BRD4: variants seen among roughly 807,000 people sequenced by gnomAD.
BRD4 encodes bromodomain containing 4, also known as bromodomain-containing protein 4.
BRD4 carries 16 observed loss-of-function variants against 142.1 expected under a neutral mutation model. The ratio of observed to expected loss-of-function variants is 0.11; its 90% CI spans 0.08 to 0.17. The LOEUF is 0.17. BRD4 is among the 10% of genes least tolerant of loss of function. BRD4 has a pLI of 1.00. For missense variants in BRD4, 1,424 were observed against 1,810.9 expected, an observed-to-expected ratio of 0.79 and a Z score of 3.88; for synonymous variants, 833 against 707.5, an observed-to-expected ratio of 1.18 and a Z score of -2.82.
chr19:15,241,623 C>T (rs1040228794), intron 14 of BRD4, among the ~76,000 whole-genome samples: 9 of 152,092 alleles, frequency 5.9e-5, no homozygotes, highest in Non-Finnish European at 1.2e-4. Flanking sequence ...CTGGTGCACC[C>T]GAGTGCTGGC....
chr19:15,278,879 T>C (rs1169074244), intron 1 of BRD4, among the ~76,000 whole-genome samples: 2 of 152,206 alleles, frequency 1.3e-5, no homozygotes, highest in Non-Finnish European at 2.9e-5. Context: ...TTTGCTCTTG[T>C]TGCCCAGGCT....
chr19:15,300,037 G>A (rs1389150966), intron 1 of BRD4, among the ~76,000 whole-genome samples: 6 of 152,084 alleles, frequency 3.9e-5, no homozygotes, highest in Non-Finnish European at 7.4e-5. Context: ...TTGAGCCCAG[G>A]AGCTGGAGAC....
chr19:15,239,549 T>A lies in BRD4; in HGVS notation c.3446-27A>T, dbSNP rs1200382253. 3 of 1,595,670 alleles carry A rather than the reference T, an allele frequency of 1.9e-6. No individual in the cohort carries two copies. Among genetic ancestry groups the A allele is most frequent in the Non-Finnish European group, 2.6e-6 (3 of 1,173,180 alleles). On this transcript the variant is annotated intron_variant, in intron 16 of 19. Coordinates refer to ENST00000679869, the MANE Select transcript of BRD4 (RefSeq NM_001379291.1). The surrounding 1 kb of genome is among the most constrained non-coding windows in gnomAD (Gnocchi z 7.4). ...TGGAACATAAACAGCCGGTGGGCCC[T>A]GGCCCACCTCACCCCAGTGGGGCAT...
At position 15,237,351 on chromosome 19, in the gene BRD4, T is replaced by G. The variant is rs975078984; in HGVS notation, c.*1026A>C. On this transcript the variant is annotated 3_prime_UTR_variant, in exon 20 of 20. Transcript: ENST00000679869. Reference sequence around the variant, plus strand: ...AAACTGAGTAAAATATAGGCAGGATTTTTTTTGTGTGTTTTGTCTTTTTGT... The same window carrying G: ...AAACTGAGTAAAATATAGGCAGGATGTTTTTTGTGTGTTTTGTCTTTTTGT... 1 of 222,216 alleles carries G rather than the reference T, an allele frequency of 4.5e-6. No individual in the cohort carries two copies. The highest frequency in any genetic ancestry group is 2.2e-5 in the African/African-American group (1 of 44,582). The allele number at this position is 222,216 out of a possible 1,614,324, so 13.8% of individuals were successfully genotyped here.
At chr19:15,287,144 A>G (rs541997191) in intron 1 of BRD4, among the ~76,000 whole-genome samples, 7 of 152,350 alleles carry the variant, frequency 4.6e-5, no homozygotes, top group Admixed American at 1.3e-4. Context: ...TGAATGGGGG[A>G]AACATATGGG....
intron 1 of BRD4, among the ~76,000 whole-genome samples, chr19:15,302,868 C>T (rs10426083): frequency 0.55 from 82,333 of 150,664 alleles, 22,553 homozygotes; most frequent in Middle Eastern, 0.64. Context: ...ATTAGCCAGG[C>T]GTGGTGGCGG....
At chr19:15,243,993 G>T (rs1320589113) in intron 13 of BRD4, among the ~76,000 whole-genome samples, 1 of 152,200 alleles carries the variant, frequency 6.6e-6, no homozygotes, top group Non-Finnish European at 1.5e-5. Flanking sequence ...TTACTCAAAT[G>T]ATGTCAGTGT....
chr19:15,249,020 G>A (rs979049002), intron 11 of BRD4: 6 of 568,010 alleles, frequency 1.1e-5, no homozygotes, highest in Non-Finnish European at 1.9e-5. Flanking sequence ...GAACCAGGAA[G>A]GCTGGGCAGG....
At chr19:15,275,326 T>C (rs1599477604) in intron 1 of BRD4, among the ~76,000 whole-genome samples, 1 of 152,182 alleles carries the variant, frequency 6.6e-6, no homozygotes, top group Admixed American at 6.5e-5. Context: ...TCCTCAAAAA[T>C]GCTAACATTG....
intron 1 of BRD4, among the ~76,000 whole-genome samples, chr19:15,286,029 T>C (rs1207797314): frequency 6.6e-6 from 1 of 152,190 alleles, no homozygotes; most frequent in African/African-American, 2.4e-5. Flanking sequence ...CATGCTAGGC[T>C]TGCCTCGTCC....
chr19:15,298,620 CAAAAAAAAAAAAAAAAAAAAAAAAAAA>C (rs57719337), intron 1 of BRD4, among the ~76,000 whole-genome samples: 10 of 66,002 alleles, frequency 1.5e-4, no homozygotes, highest in African/African-American at 5.5e-4. Flanking sequence ...GACTCCAACT[CAAAAAAAAAAAAAAAAAAAAAAAAAAA>C]AAAAAAAAAA....
intron 7 of BRD4, among the ~76,000 whole-genome samples, chr19:15,262,856 T>A (rs889908058): frequency 4.6e-5 from 7 of 152,172 alleles, no homozygotes; most frequent in African/African-American, 1.4e-4. Context: ...TTTCCTTTTT[T>A]AAAAAAATTA....
chr19:15,255,952 G>C, intron 9 of BRD4, 112 bp downstream of exon 9: 1 of 1,414,046 alleles, frequency 7.1e-7, no homozygotes, highest in Non-Finnish European at 9.6e-7. Flanking sequence ...CACGGCTGCA[G>C]AGGGGCAGCC....
chr19:15,239,630 C>A lies in BRD4; in HGVS notation c.3445+29G>T. ...CAACACGGGCCTCGGGGGGCCTGAG[C>A]CCTGGCTGTGGGCAGGGAGAGCACT... is the stretch of plus-strand genomic sequence containing the variant. On this transcript the variant is annotated intron_variant, in intron 16 of 19. Coordinates refer to ENST00000679869, the MANE Select transcript of BRD4 (RefSeq NM_001379291.1). This position sits in a 1 kb window ranked among gnomAD's most constrained non-coding sequence, Gnocchi z 7.4. The A allele has an allele frequency of 6.4e-7, 1 of 1,561,604 alleles. No individual in the cohort carries two copies. The highest frequency in any genetic ancestry group is 8.6e-7 in the Non-Finnish European group (1 of 1,162,940).
chr19:15,315,372 G>A (rs2048007938), intron 1 of BRD4, among the ~76,000 whole-genome samples: 1 of 152,120 alleles, frequency 6.6e-6, no homozygotes, highest in African/African-American at 2.4e-5. Flanking sequence ...TCACTGTCAT[G>A]TCTGCAGTGA....
chr19:15,295,454 G>A (rs1004832143), intron 1 of BRD4, among the ~76,000 whole-genome samples: 4 of 152,196 alleles, frequency 2.6e-5, no homozygotes, highest in South Asian at 2.1e-4. Context: ...TTTCAAGCCT[G>A]CCTTGGGTGG....
At chr19:15,321,060 C>T (rs1045870738) in intron 1 of BRD4, among the ~76,000 whole-genome samples, 8 of 152,208 alleles carry the variant, frequency 5.3e-5, no homozygotes, top group Non-Finnish European at 8.8e-5. Flanking sequence ...GGGGTGAAAC[C>T]CTGCCCCTAC....
Position 15,238,154 on chromosome 19 carries a change from C to T in BRD4, c.*223G>A. On this transcript the variant is annotated 3_prime_UTR_variant, in exon 20 of 20. Transcript: ENST00000679869. The surrounding 1 kb of genome is among the most constrained non-coding windows in gnomAD (Gnocchi z 7.2). Reference sequence around the variant, plus strand: ...ACAAGGCGTGTGCTGAGCGGACGTCCTGTGAGGGGTGGTGGGTGGCGGGAC... The same window carrying T: ...ACAAGGCGTGTGCTGAGCGGACGTCTTGTGAGGGGTGGTGGGTGGCGGGAC... The T allele has an allele frequency of 1.6e-6, 1 of 641,148 alleles. No individual in the cohort carries two copies. The highest frequency in any genetic ancestry group is 2.6e-6 in the Non-Finnish European group (1 of 380,156). The allele number at this position is 641,148 out of a possible 1,614,324, so 39.7% of individuals were successfully genotyped here.
At chr19:15,294,042 T>C (rs2047804450) in intron 1 of BRD4, among the ~76,000 whole-genome samples, 1 of 152,236 alleles carries the variant, frequency 6.6e-6, no homozygotes, top group South Asian at 2.1e-4. Flanking sequence ...ACGCTAAGTG[T>C]CTTTTTGTAG....
Sources: gnomAD v4.1 joint callset for allele counts (sites outside exome capture counted in the v4.1 genomes callset) on GRCh38, gnomAD v4.1.1 for gene constraint, Gnocchi (gnomAD v3.1) non-coding constraint, MANE v1.5 for transcripts, NCBI Gene and HGNC (gene_info 2026-07-23, HGNC 2026-07-21) for gene names.